DNAH9: variants seen among roughly 807,000 people sequenced by gnomAD.
DNAH9 encodes the protein dynein axonemal heavy chain 9, also known as DNAH9 variant protein.
Under a neutral mutation model 471.6 loss-of-function variants are expected in DNAH9, and 345 were observed. The observed-to-expected ratio is 0.73, with a 90% CI of 0.67 to 0.80. The LOEUF (loss-of-function observed/expected upper bound fraction) is 0.80. Among genes scored for constraint, DNAH9 ranks in the 30% least tolerant of loss-of-function variants. The pLI is 0.00. For synonymous variants in DNAH9, 2,093 were observed against 2,123.6 expected, an observed-to-expected ratio of 0.99 and a Z score of 0.40; for missense variants, 5,407 against 5,609.2, an observed-to-expected ratio of 0.96 and a Z score of 1.15.
chr17:11,694,158 G>A (rs1365102240), intron 21 of DNAH9, among the ~76,000 whole-genome samples, 160 bp downstream of exon 21: 5 of 152,166 alleles, frequency 3.3e-5, no homozygotes, highest in South Asian at 2.1e-4. Flanking sequence ...AGGTGTTGAC[G>A]CCAAGGTAGA....
chr17:11,617,568 C>T lies in DNAH9; in HGVS notation c.1062C>T (p.Ser354=), dbSNP rs368678135. ...GGGCCACATGCAAGTCCTACCGCTC[C>T]CCGGGAAGGCTGACTGTGCTGCTCC... is the stretch of plus-strand genomic sequence containing the variant. ...LIWATCKSYR[S]PGRLTVLLQE... The change falls in exon 5 of 69, where the codon TCC becomes TCT. Residue 354 remains serine (S), a synonymous_variant. Transcript: ENST00000262442. The T allele has an allele frequency of 7.1e-5, 115 of 1,614,040 alleles. No individual in the cohort carries two copies. The highest frequency in any genetic ancestry group is 9.5e-5 in the Non-Finnish European group (112 of 1,180,042).
Position 11,740,130 on chromosome 17 carries a change from G to A in DNAH9, c.5972+1093G>A, listed in dbSNP as rs534409570. On this transcript the variant is annotated intron_variant, in intron 29 of 68. Transcript: ENST00000262442. ...GAATGCCAACAAGCTGTCTAAACGG[G>A]TGCTACAGAAAACTGCATTGTTGAC... 2.6e-5 allele frequency among the ~76,000 whole-genome samples: 4 copies of A among 152,322 alleles called. No individual in the cohort carries two copies. The South Asian group carries it at 8.3e-4, about 32-fold the overall frequency.
At chr17:11,792,992 G>T (rs1050543284) in intron 41 of DNAH9, among the ~76,000 whole-genome samples, 1 of 152,142 alleles carries the variant, frequency 6.6e-6, no homozygotes, top group Non-Finnish European at 1.5e-5. Flanking sequence ...TCCAATGCTG[G>T]CTTCAATAGC....
Position 11,598,593 on chromosome 17 carries a change from T to A in DNAH9, c.95T>A (p.Val32Glu). 1 of 1,327,126 alleles carries A rather than the reference T, an allele frequency of 7.5e-7. No individual in the cohort carries two copies. 82.2% of individuals were successfully genotyped at this position (1,327,126 alleles called of 1,614,324 possible). A position where few individuals can be genotyped will look rare whatever the true frequency, so the allele number is the denominator to read the frequency against. ...CGACTGCGACTCCTGGGGACCTACG[T>A]GGCCATGAGCCTGCGGCCGGCTGCG... is the stretch of plus-strand genomic sequence containing the variant. ...DRRLRLLGTY[V>E]AMSLRPAAGA... Residue 32 changes from valine (V) to glutamate (E), a missense_variant, in exon 1 of 69, where the codon GTG becomes GAG. Physicochemically the swap from Val to Glu is moderately radical, Grantham distance 121 (BLOSUM62 -2). Coordinates refer to ENST00000262442, the MANE Select transcript of DNAH9 (RefSeq NM_001372.4).
chr17:11,958,369 A>G (rs559032454), intron 67 of DNAH9, among the ~76,000 whole-genome samples: 1 of 152,332 alleles, frequency 6.6e-6, no homozygotes, highest in South Asian at 2.1e-4. Flanking sequence ...ATGATACAAC[A>G]TGATACTGTA....
rs1275487401 is a variant in DNAH9, at chr17:11,798,317, C to T, written c.8420+524C>T. Reference sequence around the variant, plus strand: ...GCGTGGTGGCACGTGCCTATCATCCCAGCTACTCCAGAGGCTGAGGCAAGA... The same window carrying T: ...GCGTGGTGGCACGTGCCTATCATCCTAGCTACTCCAGAGGCTGAGGCAAGA... On this transcript the variant is annotated intron_variant, in intron 43 of 68. Transcript: ENST00000262442. Among the ~76,000 whole-genome samples, 8 of 151,106 alleles carry T rather than the reference C, an allele frequency of 5.3e-5. No individual in the cohort carries two copies. In the East Asian group the frequency reaches 1.6e-3, roughly 30 times the overall value.
chr17:11,617,139 T>G (rs1186966101), intron 4 of DNAH9, among the ~76,000 whole-genome samples: 1 of 152,068 alleles, frequency 6.6e-6, no homozygotes, highest in Admixed American at 6.5e-5. Flanking sequence ...TTGGCAAATA[T>G]TTACTACCCA....
intron 35 of DNAH9, among the ~76,000 whole-genome samples, chr17:11,762,973 G>A (rs559754985): frequency 6.6e-6 from 1 of 151,938 alleles, no homozygotes; most frequent in Admixed American, 6.6e-5. Context: ...TAGAGACGGG[G>A]TTTCACCATG....
chr17:11,841,525 A>G (rs953142091), intron 49 of DNAH9, among the ~76,000 whole-genome samples: 5 of 152,190 alleles, frequency 3.3e-5, no homozygotes, highest in African/African-American at 9.7e-5. Context: ...GCATTTTTAC[A>G]TAAGATAATA....
intron 53 of DNAH9, among the ~76,000 whole-genome samples, chr17:11,876,945 C>CTCGCACTCCTGACCT (rs1289198556): frequency 4.6e-5 from 7 of 151,604 alleles, no homozygotes; most frequent in Non-Finnish European, 1.0e-4. Flanking sequence ...CCAGGCTGGT[C>CTCGCACTCCTGACCT]TCGCACTCCT....
chr17:11,704,367 C>T lies in DNAH9; in HGVS notation c.5316C>T (p.Asp1772=). Reference sequence around the variant, plus strand: ...TGATTGGCCAGCTCTCCAAGGGAGACCGGCAGAAGATTATGACTATATGCA... The same window carrying T: ...TGATTGGCCAGCTCTCCAAGGGAGATCGGCAGAAGATTATGACTATATGCA... ...TMLIGQLSKG[D]RQKIMTICTI... The change falls in exon 25 of 69, where the codon GAC becomes GAT. Residue 1772 remains aspartate (D), a synonymous_variant. Transcript: ENST00000262442. The T allele has an allele frequency of 6.2e-7, 1 of 1,614,088 alleles. No individual in the cohort carries two copies. The highest frequency in any genetic ancestry group is 8.5e-7 in the Non-Finnish European group (1 of 1,180,000).
intron 32 of DNAH9, 128 bp downstream of exon 32, chr17:11,747,894 C>CA (rs967584318): frequency 6.1e-6 from 5 of 824,584 alleles, no homozygotes; most frequent in South Asian, 3.5e-5. Context: ...CGGAGGGAGA[C>CA]AAAAAAGCCA....
At chr17:11,883,812 C>T in intron 56 of DNAH9, 62 bp downstream of exon 56, 4 of 1,544,072 alleles carry the variant, frequency 2.6e-6, no homozygotes, top group Non-Finnish European at 2.6e-6. Flanking sequence ...ACAATTTTCT[C>T]TCCTCTTAGA....
intron 12 of DNAH9, among the ~76,000 whole-genome samples, chr17:11,648,380 C>T (rs144881068): frequency 2.6e-4 from 39 of 152,292 alleles, no homozygotes; most frequent in African/African-American, 8.9e-4. Context: ...GGATCAATTT[C>T]ATTGGCATTC....
At chr17:11,950,074 CTTATTT>C (rs1975308784) in intron 67 of DNAH9, among the ~76,000 whole-genome samples, 1 of 152,018 alleles carries the variant, frequency 6.6e-6, no homozygotes, top group Non-Finnish European at 1.5e-5. Context: ...TTTATTAGAC[CTTATTT>C]TTAGAGTAAC....
intron 42 of DNAH9, among the ~76,000 whole-genome samples, chr17:11,794,438 A>T (rs796319449): frequency 1.1e-4 from 17 of 152,310 alleles, no homozygotes; most frequent in African/African-American, 4.1e-4. Flanking sequence ...TCTAGAAGTT[A>T]TTTCTCTGTC....
In DNAH9 at chr17:11,933,972, C is replaced by T; in HGVS notation, c.12390C>T (p.Tyr4130=). The T allele has an allele frequency of 1.2e-6, 2 of 1,614,196 alleles. No homozygotes were observed. Among genetic ancestry groups the T allele is most frequent in the Middle Eastern group, 3.3e-4 (2 of 6,062 alleles). The change falls in exon 65 of 69, where the codon TAC becomes TAT. Residue 4130 remains tyrosine (Y), a synonymous_variant. Transcript: ENST00000262442. ...DDWDRRLCRT[Y]LGEFIRPEML... ...GGGACAGAAGACTCTGCAGAACCTACCTGGGGGAATTCATTCGACCAGAAA... is the reference window on the plus strand; with the variant it reads ...GGGACAGAAGACTCTGCAGAACCTATCTGGGGGAATTCATTCGACCAGAAA...
chr17:11,757,131 G>T (rs1015824613), intron 34 of DNAH9, among the ~76,000 whole-genome samples: 7 of 152,060 alleles, frequency 4.6e-5, no homozygotes, highest in African/African-American at 1.7e-4. Flanking sequence ...GGCAGATGTT[G>T]GTCAATGGGT....
intron 45 of DNAH9, among the ~76,000 whole-genome samples, chr17:11,821,286 CAAAAAAA>C (rs58010981): frequency 1.6e-5 from 2 of 123,892 alleles, no homozygotes; most frequent in Non-Finnish European, 1.7e-5. Flanking sequence ...AACTCTATCT[CAAAAAAA>C]AAAAAAAAAA....
Sources: allele counts gnomAD v4.1 joint callset (sites outside exome capture counted in the v4.1 genomes callset), GRCh38; gene constraint gnomAD v4.1.1; transcripts MANE v1.5; gene names NCBI Gene and HGNC (gene_info 2026-07-23, HGNC 2026-07-21).